Variants in ADGRL2 observed in about 807,000 individuals in gnomAD.
ADGRL2 encodes the protein adhesion G protein-coupled receptor L2, also known as calcium-independent alpha-latrotoxin receptor 2.
A neutral mutation model predicts 157.4 loss-of-function variants in ADGRL2; 44 were observed. That is an observed-to-expected ratio of 0.28 (90% CI 0.22 to 0.36). ADGRL2 has a LOEUF of 0.36. ADGRL2 is among the 10% of genes least tolerant of loss of function. The pLI, the probability that ADGRL2 is intolerant of heterozygous loss-of-function variation, is 1.00. For missense variants in ADGRL2, 1,510 were observed against 1,768.9 expected, an observed-to-expected ratio of 0.85 and a Z score of 2.63; for synonymous variants, 585 against 624.7, an observed-to-expected ratio of 0.94 and a Z score of 0.95.
chr1:81,570,369 A>G (rs1034640442), intron 2 of ADGRL2, among the ~76,000 whole-genome samples: 1 of 151,996 alleles, frequency 6.6e-6, no homozygotes, highest in African/African-American at 2.4e-5. Context: ...CATGGAGGAT[A>G]TTACATTCGT....
intron 3 of ADGRL2, among the ~76,000 whole-genome samples, chr1:81,595,553 AC>A (rs1269227060): frequency 6.6e-6 from 1 of 152,220 alleles, no homozygotes; most frequent in African/African-American, 2.4e-5. Flanking sequence ...ACATGCTAAA[AC>A]TAAATTTGCA....
intron 2 of ADGRL2, among the ~76,000 whole-genome samples, chr1:81,545,288 C>CTT (rs57690437): frequency 8.5e-5 from 12 of 141,880 alleles, no homozygotes; most frequent in Non-Finnish European, 1.4e-4. Flanking sequence ...ACTGACTGAA[C>CTT]TTTTTTTTTT....
intron 1 of ADGRL2, among the ~76,000 whole-genome samples, chr1:81,802,713 C>A (rs1215679831): frequency 6.6e-6 from 1 of 152,140 alleles, no homozygotes; most frequent in Non-Finnish European, 1.5e-5. Flanking sequence ...GCGTCCCGCC[C>A]GCTTTGCCCT....
chr1:81,487,947 C>T (rs12065241), intron 2 of ADGRL2, among the ~76,000 whole-genome samples: 22,261 of 152,036 alleles, frequency 0.15, 3,022 homozygotes, highest in African/African-American at 0.36. Flanking sequence ...AAAAAATATG[C>T]GCAAGGCACC....
At chr1:81,696,070 G>A (rs1046905987), upstream of ADGRL2, among the ~76,000 whole-genome samples, 2 of 152,078 alleles carry the variant, frequency 1.3e-5, no homozygotes, top group African/African-American at 4.8e-5. Context: ...CAACTTGAGT[G>A]TCTCCTCTAG....
In ADGRL2 at chr1:81,940,542, C is replaced by T. The variant is rs183533628; in HGVS notation, c.398-1492C>T. ...CCAAGTTGATTGGGGAAAGTTGTAGCTTAATGTGGAAAGTTGTATGCCATT... is the reference window on the plus strand; with the variant it reads ...CCAAGTTGATTGGGGAAAGTTGTAGTTTAATGTGGAAAGTTGTATGCCATT... On this transcript the variant is annotated intron_variant, in intron 4 of 23. Transcript: ENST00000686636. Among the ~76,000 whole-genome samples the T allele has an allele frequency of 1.9e-3, 282 of 151,682 alleles. 2 individuals are homozygous for T. Among genetic ancestry groups the T allele is most frequent in the African/African-American group, 5.9e-3 (246 of 41,502 alleles).
intron 1 of ADGRL2, among the ~76,000 whole-genome samples, chr1:81,821,336 C>T (rs746131947): frequency 4.6e-5 from 7 of 152,040 alleles, no homozygotes; most frequent in African/African-American, 7.2e-5. Flanking sequence ...TCAGCAAAGG[C>T]GGCCCAAATT....
At chr1:81,633,280 T>C (rs2082048484) in intron 3 of ADGRL2, among the ~76,000 whole-genome samples, 1 of 152,056 alleles carries the variant, frequency 6.6e-6, no homozygotes, top group African/African-American at 2.4e-5. Flanking sequence ...CTAACAGGTA[T>C]CTCAAACATA....
chr1:81,969,330 C>A lies in ADGRL2; in HGVS notation c.2676C>A (p.Ile892=). The A allele has an allele frequency of 1.2e-6, 2 of 1,613,944 alleles. No individual in the cohort carries two copies. Among genetic ancestry groups the A allele is most frequent in the Middle Eastern group, 1.6e-4 (1 of 6,062 alleles). The stretch of plus-strand genomic sequence containing the variant: ...ATACTATTCACAAGAACCTTTGTAT[C>A]AACCTTTTCATTGCTGAATTTATTT... ...DRNTIHKNLC[I]NLFIAEFIFL... The change falls in exon 15 of 24, where the codon ATC becomes ATA. Residue 892 remains isoleucine, a synonymous_variant. Transcript: ENST00000686636.
At chr1:81,756,552 T>A (rs1354838012) in intron 1 of ADGRL2, among the ~76,000 whole-genome samples, 1 of 152,184 alleles carries the variant, frequency 6.6e-6, no homozygotes, top group Non-Finnish European at 1.5e-5. Flanking sequence ...TAAAGCCACA[T>A]AATTTGTGCT....
At chr1:81,905,550 T>TAAC (rs536667834) in intron 2 of ADGRL2, among the ~76,000 whole-genome samples, 550 of 152,272 alleles carry the variant, frequency 3.6e-3, no homozygotes, top group Non-Finnish European at 5.4e-3. Flanking sequence ...TCCTGCAAAC[T>TAAC]AACAACAACA....
chr1:81,353,010 G>T (rs912907127), intron 1 of ADGRL2, among the ~76,000 whole-genome samples: 3 of 152,120 alleles, frequency 2.0e-5, no homozygotes, highest in Admixed American at 6.5e-5. Flanking sequence ...AAAAGCGTTG[G>T]AGGTAATAAT....
At chr1:81,932,402 A>T (rs982711280) in intron 3 of ADGRL2, among the ~76,000 whole-genome samples, 1 of 152,244 alleles carries the variant, frequency 6.6e-6, no homozygotes, top group Non-Finnish European at 1.5e-5. Context: ...ATTAGCAAGA[A>T]GACATATTAA....
chr1:81,366,818 G>T lies in ADGRL2; in HGVS notation c.-302+60309G>T, dbSNP rs144668353. Among the ~76,000 whole-genome samples, 32 of 152,262 alleles carry T rather than the reference G, an allele frequency of 2.1e-4. No homozygotes were observed. The East Asian group carries it at 5.4e-3, about 26-fold the overall frequency. ...ACCTCCCAGTTGCTGGATTCTATGT[G>T]ATGAGATTCTCTTCGTTTTCCTGCT... On this transcript the variant is annotated intron_variant, in intron 1 of 24. Coordinates refer to the ADGRL2 transcript ENST00000370721.
chr1:81,672,774 T>TA (rs11445144), intron 3 of ADGRL2, among the ~76,000 whole-genome samples: 43,882 of 151,982 alleles, frequency 0.29, 6,442 homozygotes, highest in Admixed American at 0.37. Context: ...TATTCTATGT[T>TA]AAAAAAATAA....
At chr1:81,936,509 G>C (rs2095312895) in intron 3 of ADGRL2, among the ~76,000 whole-genome samples, 1 of 151,680 alleles carries the variant, frequency 6.6e-6, no homozygotes, top group South Asian at 2.1e-4. Context: ...TTTACTTCTA[G>C]TTAAAATTTA....
At chr1:81,490,280 C>A (rs143202057) in intron 2 of ADGRL2, among the ~76,000 whole-genome samples, 1 of 151,920 alleles carries the variant, frequency 6.6e-6, no homozygotes, top group Non-Finnish European at 1.5e-5. Context: ...TACAGGTGTG[C>A]GCCATGATGT....
intron 5 of ADGRL2, 91 bp from the exon 6 acceptor site, chr1:81,942,878 T>C (rs1041103272): frequency 1.1e-6 from 1 of 926,674 alleles, no homozygotes; most frequent in Non-Finnish European, 1.7e-6. Flanking sequence ...ATAATATGAA[T>C]TTTTCCCTTT....
intron 2 of ADGRL2, among the ~76,000 whole-genome samples, chr1:81,895,255 T>C (rs1464196793): frequency 1.3e-5 from 2 of 152,150 alleles, no homozygotes; most frequent in Admixed American, 6.5e-5. Flanking sequence ...GAGGAAGCTG[T>C]TGTTACACAG....
Sources: allele counts gnomAD v4.1 joint callset (sites outside exome capture counted in the v4.1 genomes callset), GRCh38; gene constraint gnomAD v4.1.1; transcripts MANE v1.5; gene names NCBI Gene and HGNC (gene_info 2026-07-23, HGNC 2026-07-21).